VPS13B: variants seen among roughly 807,000 people sequenced by gnomAD.
VPS13B encodes intermembrane lipid transfer protein VPS13B.
A neutral mutation model predicts 426.4 loss-of-function variants in VPS13B; 285 were observed. The observed-to-expected ratio is 0.67, with a 90% CI of 0.61 to 0.74. VPS13B has a LOEUF of 0.74. Among genes scored for constraint, VPS13B ranks in the 30% least tolerant of loss-of-function variants. The pLI, the probability that VPS13B is intolerant of heterozygous loss-of-function variation, is 0.00. For synonymous variants in VPS13B, 1,676 were observed against 1,676.4 expected, an observed-to-expected ratio of 1.00 and a Z score of 0.01; for missense variants, 4,537 against 4,782.6, an observed-to-expected ratio of 0.95 and a Z score of 1.51.
chr8:99,740,866 A>G (rs1809679869), intron 39 of VPS13B, among the ~76,000 whole-genome samples: 2 of 151,004 alleles, frequency 1.3e-5, no homozygotes, highest in South Asian at 4.2e-4. Flanking sequence ...CCACTGCAAA[A>G]TCATGCCAAA....
At chr8:99,072,885 T>A (rs1235935327) in intron 3 of VPS13B, among the ~76,000 whole-genome samples, 1 of 152,200 alleles carries the variant, frequency 6.6e-6, no homozygotes, top group Admixed American at 6.5e-5. Flanking sequence ...CTTGGTTCCT[T>A]TGTCAAAAAT....
chr8:99,301,080 G>A (rs1210444032), intron 19 of VPS13B, among the ~76,000 whole-genome samples: 1 of 151,766 alleles, frequency 6.6e-6, no homozygotes, highest in South Asian at 2.1e-4. Flanking sequence ...GTTGGGTGTG[G>A]TGTGCATGCC....
chr8:99,388,611 A>G (rs996209368), intron 20 of VPS13B, among the ~76,000 whole-genome samples: 1 of 152,212 alleles, frequency 6.6e-6, no homozygotes, highest in Non-Finnish European at 1.5e-5. Flanking sequence ...TGTTAAAAAT[A>G]AATACTACTT....
intron 17 of VPS13B, among the ~76,000 whole-genome samples, chr8:99,194,112 GAAGCATTTCAGATTTTGGGTTTTCAGATT>G (rs996334794): frequency 6.6e-6 from 1 of 152,090 alleles, no homozygotes; most frequent in African/African-American, 2.4e-5. Context: ...TTTGAATTTT[GAAGCATTTCAGATTTTGGGTTTTCAGATT>G]AGGGATGTTC....
chr8:99,573,590 G>T (rs540348034), intron 31 of VPS13B, among the ~76,000 whole-genome samples: 8 of 152,284 alleles, frequency 5.3e-5, no homozygotes, highest in African/African-American at 1.9e-4. Flanking sequence ...TGTCAGGTTT[G>T]TCAAAGATCA....
At chr8:99,861,010 G>A (rs1284222484) in intron 57 of VPS13B, among the ~76,000 whole-genome samples, 1 of 152,154 alleles carries the variant, frequency 6.6e-6, no homozygotes, top group Non-Finnish European at 1.5e-5. Flanking sequence ...GTTATATGGA[G>A]GGAATAAAAT....
intron 43 of VPS13B, among the ~76,000 whole-genome samples, chr8:99,792,869 T>G (rs1322040291): frequency 2.0e-5 from 3 of 151,974 alleles, no homozygotes; most frequent in Non-Finnish European, 1.5e-5. Flanking sequence ...GTGTGCTGTT[T>G]TAAGCTGCTA....
chr8:99,766,727 G>T, intron 39 of VPS13B, 47 bp from the exon 40 acceptor site: 1 of 1,478,810 alleles, frequency 6.8e-7, no homozygotes, highest in Non-Finnish European at 9.3e-7. Context: ...AAATATAAAA[G>T]CATAGTTTCT....
At chr8:99,114,390 C>A (rs1233093503) in intron 6 of VPS13B, among the ~76,000 whole-genome samples, 1 of 152,048 alleles carries the variant, frequency 6.6e-6, no homozygotes, top group Non-Finnish European at 1.5e-5. Flanking sequence ...TTTGTATTAT[C>A]AGTTCAGGTT....
chr8:99,275,151 CA>C lies in VPS13B; in HGVS notation c.2723del (p.Lys908SerfsTer13). ...CTGACACTAAAGACCTTCATAGCAC[CA>C]AGTGGCTCAATGAGAGTAGAAAGCC... Reference protein sequence around the residue: ...PSDTKDLHSTKWLNESRKPES... With the variant: ...PSDTKDLHSTXWLNESRKPES... On this transcript the variant is annotated frameshift_variant, in exon 19 of 62. Coordinates refer to ENST00000357162, the MANE Select transcript of VPS13B (RefSeq NM_152564.5). LOFTEE classifies it high-confidence loss of function. The C allele has an allele frequency of 6.2e-7, 1 of 1,612,798 alleles. No individual in the cohort carries two copies. Among genetic ancestry groups the C allele is most frequent in the Non-Finnish European group, 8.5e-7 (1 of 1,179,290 alleles).
At chr8:99,704,495 C>G (rs1832416912) in intron 36 of VPS13B, among the ~76,000 whole-genome samples, 1 of 152,122 alleles carries the variant, frequency 6.6e-6, no homozygotes, top group Non-Finnish European at 1.5e-5. Flanking sequence ...ATATGACTAC[C>G]TAAAATAATA....
chr8:99,156,671 G>T lies in VPS13B; in HGVS notation c.2136G>T (p.Val712=). The T allele has an allele frequency of 6.2e-7, 1 of 1,614,056 alleles. No individual in the cohort carries two copies. Among genetic ancestry groups the T allele is most frequent in the Non-Finnish European group, 8.5e-7 (1 of 1,179,922 alleles). The change falls in exon 15 of 62, where the codon GTG becomes GTT. Residue 712 remains valine (V), a synonymous_variant. Coordinates refer to ENST00000357162, the MANE Select transcript of VPS13B (RefSeq NM_152564.5). ...TGCCAATGTATGCTGAACAGTTGGT[G>T]CATGTGGTCAGCAGCCTTACTCAAC... is the stretch of plus-strand genomic sequence containing the variant. ...HSVPMYAEQL[V]HVVSSLTQPS... is the part of the protein sequence containing the mutation.
intron 3 of VPS13B, among the ~76,000 whole-genome samples, chr8:99,086,475 C>A (rs1018129798): frequency 2.6e-5 from 4 of 152,194 alleles, no homozygotes; most frequent in African/African-American, 4.8e-5. Flanking sequence ...AGTCATTGTC[C>A]GTCCAGCTTT....
At position 99,861,818 on chromosome 8, in the gene VPS13B, G is replaced by T; in HGVS notation, c.11087G>T (p.Arg3696Leu). Residue 3696 changes from arginine to leucine, a missense_variant, in exon 58 of 62, where the codon CGG (arginine) becomes CTG (leucine). Physicochemically the swap from Arg to Leu is moderately radical, Grantham distance 102. Coordinates refer to ENST00000357162, the MANE Select transcript of VPS13B (RefSeq NM_152564.5). ...ACCAACCTCGCCACAAGCCTGGCCC[G>T]GAACATGGACCGGCTCTCACTGGAT... ...SITNLATSLA[R>L]NMDRLSLDEE... The T allele has an allele frequency of 1.3e-6, 2 of 1,598,696 alleles. No individual in the cohort carries two copies. The highest frequency in any genetic ancestry group is 2.3e-5 in the East Asian group (1 of 44,338).
intron 33 of VPS13B, among the ~76,000 whole-genome samples, chr8:99,582,529 G>C (rs1336283887): frequency 6.6e-6 from 1 of 151,730 alleles, no homozygotes; most frequent in African/African-American, 2.4e-5. Flanking sequence ...ATTCTTTTTT[G>C]TCAATCTTAA....
intron 19 of VPS13B, among the ~76,000 whole-genome samples, chr8:99,328,435 A>G (rs1810392407): frequency 6.6e-6 from 1 of 152,214 alleles, no homozygotes; most frequent in Non-Finnish European, 1.5e-5. Flanking sequence ...TCAGCAAGGC[A>G]GGAAGTTGAG....
chr8:99,275,334 T>A, intron 19 of VPS13B, 80 bp downstream of exon 19: 1 of 1,339,642 alleles, frequency 7.5e-7, no homozygotes, highest in Admixed American at 2.6e-5. Flanking sequence ...AATTGGTATA[T>A]ATTTTTTTTT....
In VPS13B at chr8:99,811,399, C is replaced by T. The variant is rs150247298; in HGVS notation, c.8097+1869C>T. 8.6e-4 allele frequency among the ~76,000 whole-genome samples: 131 copies of T among 152,278 alleles called. 1 individual carries two copies. The highest frequency in any genetic ancestry group is 3.1e-3 in the African/African-American group (128 of 41,550). ...GTGTTTCCCCTTGGTTTTCTTCTCT[C>T]TAGGCCTTCTCAAATTTGAGTATGC... On this transcript the variant is annotated intron_variant, in intron 44 of 61. Transcript: ENST00000357162.
intron 43 of VPS13B, among the ~76,000 whole-genome samples, chr8:99,792,944 G>A (rs966172988): frequency 9.2e-5 from 14 of 151,468 alleles, no homozygotes; most frequent in Non-Finnish European, 1.8e-4. Context: ...GGTGGTTCAC[G>A]CCTGTAATCC....
Sources: allele counts gnomAD v4.1 joint callset (sites outside exome capture counted in the v4.1 genomes callset), GRCh38; gene constraint gnomAD v4.1.1; transcripts MANE v1.5; gene names NCBI Gene and HGNC (gene_info 2026-07-23, HGNC 2026-07-21).